Variants in LOC128462377 observed in about 807,000 individuals in gnomAD.
the LOC128462377 span, among the ~76,000 whole-genome samples, chr16:89,319,347 G>A: frequency 2.0e-5 from 3 of 152,214 alleles, no homozygotes; most frequent in East Asian, 5.8e-4. Context: ...AATGGACCAG[G>A]GATCTGGGAG....
At chr16:89,391,108 G>C in the LOC128462377 span, among the ~76,000 whole-genome samples, 73 of 151,760 alleles carry the variant, frequency 4.8e-4, no homozygotes, top group African/African-American at 1.7e-3. Flanking sequence ...GGCGCCTGTA[G>C]TCCCAGCTAC....
chr16:89,387,954 A>C, the LOC128462377 span, among the ~76,000 whole-genome samples: 1 of 149,660 alleles, frequency 6.7e-6, no homozygotes, highest in Non-Finnish European at 1.5e-5. Context: ...CAGAGGCTGC[A>C]GTGAGCCGAG....
chr16:89,371,043 T>C, the LOC128462377 span, among the ~76,000 whole-genome samples: 2 of 152,102 alleles, frequency 1.3e-5, no homozygotes, highest in Admixed American at 6.5e-5. Context: ...AGCTGCCCCG[T>C]CTCATGACGA....
chr16:89,318,301 C>T, the LOC128462377 span, among the ~76,000 whole-genome samples: 8 of 152,234 alleles, frequency 5.3e-5, no homozygotes, highest in East Asian at 1.9e-4. Context: ...CCAGGCCTCC[C>T]GGGTGCACTC....
At chr16:89,390,063 C>T in the LOC128462377 span, among the ~76,000 whole-genome samples, 86 of 59,800 alleles carry the variant, frequency 1.4e-3, 1 homozygote, top group African/African-American at 1.0e-2. Flanking sequence ...ATCACTGGGG[C>T]GAACACCGAG....
chr16:89,367,155 G>C, the LOC128462377 span, among the ~76,000 whole-genome samples: 166 of 152,314 alleles, frequency 1.1e-3, no homozygotes, highest in African/African-American at 3.5e-3. Flanking sequence ...CGGTGAGGAA[G>C]AGCAGGCACC....
At chr16:89,393,300 C>A in the LOC128462377 span, among the ~76,000 whole-genome samples, 1 of 151,102 alleles carries the variant, frequency 6.6e-6, no homozygotes, top group Non-Finnish European at 1.5e-5. Context: ...CTTTTTTTTA[C>A]TTTTTTTATT....
At chr16:89,394,538 G>T in the LOC128462377 span, among the ~76,000 whole-genome samples, 1 of 151,800 alleles carries the variant, frequency 6.6e-6, no homozygotes. Flanking sequence ...TGAGGCAGGA[G>T]AATCGCTTGA....
the LOC128462377 span, among the ~76,000 whole-genome samples, chr16:89,322,851 T>C: frequency 2.6e-5 from 4 of 152,200 alleles, no homozygotes; most frequent in Non-Finnish European, 5.9e-5. Context: ...GTTCTTTTGT[T>C]TGTTTGTTTG....
chr16:89,338,512 T>G, the LOC128462377 span, among the ~76,000 whole-genome samples: 1 of 150,958 alleles, frequency 6.6e-6, no homozygotes, highest in Non-Finnish European at 1.5e-5. Flanking sequence ...GGCAATCACC[T>G]GAGGTCAGGA....
chr16:89,359,972 G>A, the LOC128462377 span, among the ~76,000 whole-genome samples: 1,519 of 152,120 alleles, frequency 1.0e-2, 37 homozygotes, highest in African/African-American at 0.034. Context: ...CAGTGGGCGG[G>A]GGGGGAGGTT....
At chr16:89,345,293 C>G in the LOC128462377 span, among the ~76,000 whole-genome samples, 1 of 139,882 alleles carries the variant, frequency 7.1e-6, no homozygotes, top group Non-Finnish European at 1.5e-5. Context: ...AGACCCATCA[C>G]GACAAACGGA....
At chr16:89,349,349 G>A in the LOC128462377 span, among the ~76,000 whole-genome samples, 17 of 150,988 alleles carry the variant, frequency 1.1e-4, no homozygotes, top group East Asian at 9.7e-4. Flanking sequence ...GCGTGGTGGC[G>A]GGCGCCTGTA....
At chr16:89,377,872 A>T in the LOC128462377 span, among the ~76,000 whole-genome samples, 2 of 145,240 alleles carry the variant, frequency 1.4e-5, no homozygotes, top group Non-Finnish European at 3.0e-5. Flanking sequence ...CCCCCGCCCC[A>T]TGAGAACAGC....
At chr16:89,396,531 C>T in the LOC128462377 span, among the ~76,000 whole-genome samples, 1 of 152,180 alleles carries the variant, frequency 6.6e-6, no homozygotes, top group Admixed American at 6.5e-5. Context: ...TTCCATTTTC[C>T]CACTAGATTT....
At chr16:89,379,169 C>T in the LOC128462377 span, among the ~76,000 whole-genome samples, 6 of 152,222 alleles carry the variant, frequency 3.9e-5, no homozygotes, top group Admixed American at 3.9e-4. Context: ...CCCCGGCACA[C>T]GGCCATTCTG....
At chr16:89,350,874 G>A in the LOC128462377 span, among the ~76,000 whole-genome samples, 1 of 152,164 alleles carries the variant, frequency 6.6e-6, no homozygotes, top group Non-Finnish European at 1.5e-5. Flanking sequence ...GGGTCCCATG[G>A]CATAAACACC....
the LOC128462377 span, among the ~76,000 whole-genome samples, chr16:89,374,082 T>C: frequency 2.6e-5 from 4 of 152,326 alleles, no homozygotes; most frequent in East Asian, 5.8e-4. Flanking sequence ...AGAGGGGTGT[T>C]AACCCGAGAC....
the LOC128462377 span, among the ~76,000 whole-genome samples, chr16:89,348,873 T>TAAAAA: frequency 1.4e-4 from 18 of 130,416 alleles, no homozygotes; most frequent in African/African-American, 5.1e-4. Flanking sequence ...TTATTGTCTT[T>TAAAAA]AAAAAAAAAA....
Sources: allele counts gnomAD v4.1 joint callset (sites outside exome capture counted in the v4.1 genomes callset), GRCh38; gene constraint gnomAD v4.1.1; transcripts MANE v1.5.